The following DNAI7 variants were observed in gnomAD, a reference collection of about 807,000 sequenced individuals.
The protein encoded by DNAI7 is cancer susceptibility 1.
In DNAI7, 78 loss-of-function variants were observed where a neutral mutation model predicts 86.6. The observed-to-expected ratio is 0.90, with a 90% CI of 0.75 to 1.09. The LOEUF (loss-of-function observed/expected upper bound fraction) is 1.09. Among genes scored for constraint, DNAI7 ranks in the 50% least tolerant of loss-of-function variants. DNAI7 has a pLI of 0.00. For missense variants in DNAI7, 753 were observed against 810.2 expected (o/e 0.93, Z 0.86); for synonymous variants, 274 against 273.0 (o/e 1.00, Z -0.04).
intron 2 of DNAI7, among the ~76,000 whole-genome samples, chr12:25,182,598 G>A (rs1011507866): frequency 9.0e-5 from 3 of 33,284 alleles, no homozygotes; most frequent in Non-Finnish European, 1.2e-4. Flanking sequence ...GATAGAGTGA[G>A]ACTGTCTACA....
chr12:25,172,029 A>G (rs1046188777), intron 2 of DNAI7, among the ~76,000 whole-genome samples: 3 of 152,300 alleles, frequency 2.0e-5, no homozygotes, highest in Admixed American at 6.5e-5. Flanking sequence ...GAAACGTTGA[A>G]AGCATTCCCT....
chr12:25,192,836 A>AC, intron 1 of DNAI7: 1 of 149,190 alleles, frequency 6.7e-6, no homozygotes, highest in Non-Finnish European at 1.5e-5. Context: ...TCTGCCTCAA[A>AC]AAAAAAAAAA....
chr12:25,120,306 GGC>G (rs1414362173), intron 11 of DNAI7, among the ~76,000 whole-genome samples: 1 of 109,090 alleles, frequency 9.2e-6, no homozygotes, highest in Non-Finnish European at 2.1e-5. Context: ...GAGAGAGAGA[GGC>G]AGGAAGAGGG....
intron 2 of DNAI7, among the ~76,000 whole-genome samples, chr12:25,172,742 T>C (rs1466770289): frequency 1.3e-5 from 2 of 151,992 alleles, no homozygotes; most frequent in Admixed American, 1.3e-4. Flanking sequence ...GTGGTACTGG[T>C]ATAAAAATAG....
At chr12:25,194,154 A>G (rs1464502332) in intron 1 of DNAI7, among the ~76,000 whole-genome samples, 2 of 151,934 alleles carry the variant, frequency 1.3e-5, no homozygotes, top group African/African-American at 4.8e-5. Context: ...TATGTGGAAA[A>G]CTCGTATTTA....
intron 2 of DNAI7, among the ~76,000 whole-genome samples, chr12:25,174,994 TACAA>T (rs1948799170): frequency 6.6e-6 from 1 of 151,928 alleles, no homozygotes; most frequent in South Asian, 2.1e-4. Flanking sequence ...GATAGAAGAC[TACAA>T]ATACGGTGCA....
At chr12:25,188,273 G>A (rs568236104) in intron 2 of DNAI7, among the ~76,000 whole-genome samples, 80 of 152,292 alleles carry the variant, frequency 5.3e-4, no homozygotes, top group African/African-American at 1.9e-3. Flanking sequence ...CATAGGCAGG[G>A]AGAAAAGGGG....
At chr12:25,133,047 T>G (rs1170034733) in intron 9 of DNAI7, among the ~76,000 whole-genome samples, 1 of 152,180 alleles carries the variant, frequency 6.6e-6, no homozygotes, top group Non-Finnish European at 1.5e-5. Context: ...GTACGAAAGG[T>G]CTTCTTAGTA....
At chr12:25,183,026 G>A (rs868764897) in intron 2 of DNAI7, among the ~76,000 whole-genome samples, 1 of 151,700 alleles carries the variant, frequency 6.6e-6, no homozygotes, top group South Asian at 2.1e-4. Flanking sequence ...GAAGGAAAAT[G>A]AGGTACATAT....
rs150141755 is a variant in DNAI7 at position 25,132,530 on chromosome 12, T to C, written c.1003-9244A>G. Among the ~76,000 whole-genome samples, 124 of 140,808 alleles carry C rather than the reference T, an allele frequency of 8.8e-4. No individual in the cohort carries two copies. The East Asian group carries it at 0.022, about 25-fold the overall frequency. 92.4% of individuals were successfully genotyped at this position (140,808 alleles called of 152,430 possible). On this transcript the variant is annotated intron_variant, in intron 9 of 15. Transcript: ENST00000395987. ...ACAATTATTTTAATTTGTGGACTGT[T>C]TTTGCTACTATAAAAAACTTCAATG...
rs1943945017 is a variant in DNAI7 at position 25,139,548 on chromosome 12, G to C, written c.1002+4817C>G. 1.3e-5 allele frequency among the ~76,000 whole-genome samples: 2 copies of C among 152,112 alleles called. 1 individual carries two copies. Among genetic ancestry groups the C allele is most frequent in the South Asian group, 4.1e-4 (2 of 4,822 alleles). On this transcript the variant is annotated intron_variant, in intron 9 of 15. Coordinates refer to ENST00000395987, the MANE Select transcript of DNAI7 (RefSeq NM_018272.5). ...AAGGATGAGTTCCTATCCTTTGCAG[G>C]GGACATGGATGAAGCTGGAAACCAT...
chr12:25,160,482 C>A (rs768712716), intron 3 of DNAI7, among the ~76,000 whole-genome samples: 2 of 152,174 alleles, frequency 1.3e-5, no homozygotes, highest in Admixed American at 6.6e-5. Flanking sequence ...TAACTCATTC[C>A]GATTACCTGC....
chr12:25,148,911 T>C (rs748377509), intron 7 of DNAI7, among the ~76,000 whole-genome samples: 1 of 152,196 alleles, frequency 6.6e-6, no homozygotes, highest in African/African-American at 2.4e-5. Context: ...ATCCTATTTA[T>C]AGAATAAAAA....
Position 25,118,427 on chromosome 12 carries a change from C to T in DNAI7, c.1396+718G>A, listed in dbSNP as rs374227342. Among the ~76,000 whole-genome samples, 41 of 151,576 alleles carry T rather than the reference C, an allele frequency of 2.7e-4. 1 individual carries two copies. In the East Asian group the frequency reaches 8.0e-3, roughly 29 times the overall value. On this transcript the variant is annotated intron_variant, in intron 12 of 15. Coordinates refer to ENST00000395987, the MANE Select transcript of DNAI7 (RefSeq NM_018272.5). ...TACAGGTGTGTGCCACCACGCCCCG[C>T]TCATTTTCTATTTTTAGTAGAGATG...
At chr12:25,182,605 T>TACACACACACACACAC (rs71065917) in intron 2 of DNAI7, among the ~76,000 whole-genome samples, 9,968 of 131,978 alleles carry the variant, frequency 0.076, 492 homozygotes, top group Non-Finnish European at 0.087. Context: ...TGAGACTGTC[T>TACACACACACACACAC]ACACACACAC....
chr12:25,180,063 TCCTGGA>T (rs1478484123), intron 2 of DNAI7, among the ~76,000 whole-genome samples: 1 of 152,170 alleles, frequency 6.6e-6, no homozygotes. Context: ...TCCAAATACC[TCCTGGA>T]CCTGATAAAC....
intron 2 of DNAI7, among the ~76,000 whole-genome samples, chr12:25,163,537 G>A (rs1399919662): frequency 6.6e-6 from 1 of 152,014 alleles, no homozygotes; most frequent in Non-Finnish European, 1.5e-5. Context: ...TCTCTTTTCG[G>A]ACTCAGCCCA....
At chr12:25,115,502 A>T (rs1008672322) in intron 12 of DNAI7, among the ~76,000 whole-genome samples, 2 of 151,928 alleles carry the variant, frequency 1.3e-5, no homozygotes, top group African/African-American at 4.8e-5. Context: ...AACACAACCT[A>T]ATTTAAAAGT....
At chr12:25,116,276 TTCC>T (rs555985115) in intron 12 of DNAI7, among the ~76,000 whole-genome samples, 76 of 152,300 alleles carry the variant, frequency 5.0e-4, no homozygotes, top group Non-Finnish European at 9.1e-4. Context: ...TTATTTTTAA[TTCC>T]TCTTTTTGTC....
Sources: allele counts gnomAD v4.1 joint callset (sites outside exome capture counted in the v4.1 genomes callset), GRCh38; gene constraint gnomAD v4.1.1; transcripts MANE v1.5; gene names NCBI Gene and HGNC (gene_info 2026-07-23, HGNC 2026-07-21).